The following SFTPC variants were observed in gnomAD, a reference collection of about 807,000 sequenced individuals.
SFTPC encodes BRICHOS domain containing 6.
A neutral mutation model predicts 19.9 loss-of-function variants in SFTPC; 12 were observed. The ratio of observed to expected loss-of-function variants is 0.60; its 90% CI spans 0.39 to 0.98. SFTPC has a LOEUF of 0.98. Among genes scored for constraint, SFTPC ranks in the 50% least tolerant of loss-of-function variants. The probability of loss-of-function intolerance (pLI) is 0.00; values close to 1 mark genes in which losing one functional copy is unlikely to be tolerated. For synonymous variants in SFTPC, 123 were observed against 103.3 expected (o/e 1.19, Z -1.16); for missense variants, 219 against 252.2 (o/e 0.87, Z 0.89).
At chr8:22,157,961 T>C (rs1395444667), upstream of SFTPC, among the ~76,000 whole-genome samples, 1 of 152,204 alleles carries the variant, frequency 6.6e-6, no homozygotes, top group Non-Finnish European at 1.5e-5. Context: ...ACAAAAGCTC[T>C]TGGGGGTCCT....
chr8:22,157,640 C>T (rs1304939487), upstream of SFTPC: 2 of 152,180 alleles, frequency 1.3e-5, no homozygotes, highest in African/African-American at 2.4e-5. Flanking sequence ...CCTGGGAGCC[C>T]GGGGGTCCTT....
chr8:22,162,599 G>A lies in SFTPC; in HGVS notation c.68G>A (p.Arg23Gln), dbSNP rs75902455. ...GACTACTCCGCAGCTCCCCGGGGCCGATTTGGCATTCCCTGCTGCCCAGTG... is the reference window on the plus strand; with the variant it reads ...GACTACTCCGCAGCTCCCCGGGGCCAATTTGGCATTCCCTGCTGCCCAGTG... ...PPDYSAAPRG[R>Q]FGIPCCPVHL... The change falls in exon 2 of 6, where the codon CGA becomes CAA. Residue 23 changes from arginine to glutamine, a missense_variant. Arg to Gln is a conservative substitution (Grantham distance 43). Transcript: ENST00000679463. 1.7e-4 allele frequency: 267 copies of A among 1,614,100 alleles called. 1 individual carries two copies. In the East Asian group the frequency reaches 4.8e-3, roughly 29 times the overall value.
chr8:22,159,613 C>T, upstream of SFTPC: 1 of 429,960 alleles, frequency 2.3e-6, no homozygotes, highest in Non-Finnish European at 4.5e-6. Flanking sequence ...CTTGTGACAG[C>T]TACAGCCTAA....
chr8:22,164,053 T>C lies in SFTPC; in HGVS notation c.*12T>C, dbSNP rs200469074. ...TCTACTACATCTAGGACGCCTCCGG[T>C]GAGCAGGTGTGATCCCAGGGCCCCT... On this transcript the variant is annotated 3_prime_UTR_variant, in exon 5 of 6. Coordinates refer to ENST00000679463, the MANE Select transcript of SFTPC (RefSeq NM_001317778.2). 6.2e-7 allele frequency: 1 copy of C among 1,611,750 alleles called. No individual in the cohort carries two copies. Among genetic ancestry groups the C allele is most frequent in the Non-Finnish European group, 8.5e-7 (1 of 1,179,998 alleles).
At chr8:22,160,309 G>A (rs1827665918), upstream of SFTPC, among the ~76,000 whole-genome samples, 1 of 152,178 alleles carries the variant, frequency 6.6e-6, no homozygotes, top group South Asian at 2.1e-4. Flanking sequence ...GACAGGAACT[G>A]GGGTGGCATG....
At chr8:22,160,752 G>C (rs541138857), upstream of SFTPC, among the ~76,000 whole-genome samples, 6 of 152,356 alleles carry the variant, frequency 3.9e-5, no homozygotes, top group African/African-American at 1.4e-4. Flanking sequence ...GGGAACCTGA[G>C]AGAAAGGGTG....
At chr8:22,163,852 A>G (rs1380371276) in intron 4 of SFTPC, 49 bp from the exon 5 acceptor site, 7 of 1,522,422 alleles carry the variant, frequency 4.6e-6, no homozygotes, top group Admixed American at 3.3e-5. Flanking sequence ...AGGGCTGCAC[A>G]TGGGATAGAA....
upstream of SFTPC, among the ~76,000 whole-genome samples, chr8:22,158,223 C>G (rs542352044): frequency 1.3e-5 from 2 of 152,348 alleles, no homozygotes; most frequent in African/African-American, 4.8e-5. Flanking sequence ...AGGGGATTCT[C>G]TGGTCTGAGC....
At chr8:22,163,577 G>C in intron 4 of SFTPC, 31 bp downstream of exon 4, 1 of 1,474,582 alleles carries the variant, frequency 6.8e-7, no homozygotes. Context: ...AGAGTGGGCT[G>C]TCTCCCTCCC....
Position 22,162,553 on chromosome 8 carries a change from T to C in SFTPC, c.43-21T>C, listed in dbSNP as rs13248346. On this transcript the variant is annotated intron_variant, in intron 1 of 5. Coordinates refer to ENST00000679463, the MANE Select transcript of SFTPC (RefSeq NM_001317778.2). ...GCCTCATGACCTCATGCCTGTCTCC[T>C]TGCCTGCCCCACCGTGTCAGGACTA... The C allele has an allele frequency of 0.45, 726,966 of 1,611,794 alleles. 169,177 individuals carry two copies. Among genetic ancestry groups the C allele is most frequent in the East Asian group, 0.75 (33,684 of 44,852 alleles).
chr8:22,158,303 G>A (rs370516979), upstream of SFTPC, among the ~76,000 whole-genome samples: 4 of 152,202 alleles, frequency 2.6e-5, no homozygotes, highest in Admixed American at 1.3e-4. Flanking sequence ...ACATTTAGCC[G>A]CCCTCCCCAT....
chr8:22,159,367 C>T (rs140666624), upstream of SFTPC: 34 of 200,798 alleles, frequency 1.7e-4, no homozygotes, highest in African/African-American at 5.0e-4. Context: ...GAGGGAGAAA[C>T]GGCTTAAGTA....
upstream of SFTPC, among the ~76,000 whole-genome samples, chr8:22,158,073 A>G (rs1250263373): frequency 1.3e-5 from 2 of 152,174 alleles, no homozygotes; most frequent in East Asian, 3.9e-4. Flanking sequence ...GACTGTCCTA[A>G]GAGCTCATAG....
upstream of SFTPC, chr8:22,159,613 C>G: frequency 2.3e-6 from 1 of 429,960 alleles, no homozygotes; most frequent in Middle Eastern, 3.5e-4. Flanking sequence ...CTTGTGACAG[C>G]TACAGCCTAA....
chr8:22,164,460 C>A lies in SFTPC; in HGVS notation c.*213C>A. On this transcript the variant is annotated 3_prime_UTR_variant, in exon 6 of 6. Coordinates refer to ENST00000679463, the MANE Select transcript of SFTPC (RefSeq NM_001317778.2). ...GAACTCCTGCCACAACAGAATAAAG[C>A]AGCCTGATTGAAAAGCAAAGGGTCT... 1 of 1,461,100 alleles carries A rather than the reference C, an allele frequency of 6.8e-7. No individual in the cohort carries two copies. The allele number at this position is 1,461,100 out of a possible 1,614,324, so 90.5% of individuals were successfully genotyped here. A position where few individuals can be genotyped will look rare whatever the true frequency, so the allele number is the denominator to read the frequency against.
At chr8:22,159,268 C>A (rs529957289), upstream of SFTPC, among the ~76,000 whole-genome samples, 6 of 152,190 alleles carry the variant, frequency 3.9e-5, no homozygotes, top group African/African-American at 1.2e-4. Flanking sequence ...GCTTGGGTAA[C>A]AGAGTGAGAC....
At chr8:22,159,912 CCT>C, upstream of SFTPC, 1 of 1,135,228 alleles carries the variant, frequency 8.8e-7, no homozygotes, top group Non-Finnish European at 1.2e-6. Context: ...GAGTAAGGGC[CCT>C]GGGGGAGGGC....
intron 4 of SFTPC, 136 bp downstream of exon 4, chr8:22,163,682 C>A: frequency 3.8e-6 from 3 of 793,832 alleles, no homozygotes; most frequent in Non-Finnish European, 6.5e-6. Flanking sequence ...TCTCCTATTC[C>A]CCTGCACGAC....
chr8:22,163,895 C>T lies in SFTPC; in HGVS notation c.436-6C>T. On this transcript the variant is annotated splice_region_variant and splice_polypyrimidine_tract_variant and intron_variant, in intron 4 of 5. Transcript: ENST00000679463. ...TCCTACATTCCAGATGGAATGCTCTCTGCAGGCCAAGCCCGCAGTGCCTAC... is the reference window on the plus strand; with the variant it reads ...TCCTACATTCCAGATGGAATGCTCTTTGCAGGCCAAGCCCGCAGTGCCTAC... 4 of 1,613,072 alleles carry T rather than the reference C, an allele frequency of 2.5e-6. No individual in the cohort carries two copies. Among genetic ancestry groups the T allele is most frequent in the Non-Finnish European group, 3.4e-6 (4 of 1,179,212 alleles).
Sources: gnomAD v4.1 joint callset for allele counts (sites outside exome capture counted in the v4.1 genomes callset) on GRCh38, gnomAD v4.1.1 for gene constraint, MANE v1.5 for transcripts, NCBI Gene and HGNC (gene_info 2026-07-23, HGNC 2026-07-21) for gene names.